KCNH5: variants seen among roughly 807,000 people sequenced by gnomAD.
KCNH5 encodes voltage-gated delayed rectifier potassium channel KCNH5.
Under a neutral mutation model 96.1 loss-of-function variants are expected in KCNH5, and 46 were observed. The observed-to-expected ratio is 0.48, with a 90% CI of 0.38 to 0.61. The LOEUF (loss-of-function observed/expected upper bound fraction) is 0.61. Among genes scored for constraint, KCNH5 ranks in the 20% least tolerant of loss-of-function variants. The pLI, the probability that KCNH5 is intolerant of heterozygous loss-of-function variation, is 0.00. For missense variants in KCNH5, 907 were observed against 1,225.8 expected, an observed-to-expected ratio of 0.74 and a Z score of 3.88; for synonymous variants, 439 against 449.8, an observed-to-expected ratio of 0.98 and a Z score of 0.30.
chr14:62,746,561 A>G (rs1391028750), intron 10 of KCNH5, among the ~76,000 whole-genome samples: 5 of 152,244 alleles, frequency 3.3e-5, no homozygotes, highest in African/African-American at 4.8e-5. Flanking sequence ...CAGGCCAGCC[A>G]TCTATCCTGG....
intron 7 of KCNH5, among the ~76,000 whole-genome samples, chr14:62,863,544 C>T (rs943154414): frequency 1.3e-5 from 2 of 152,150 alleles, no homozygotes; most frequent in Non-Finnish European, 2.9e-5. Flanking sequence ...TATATAAAGA[C>T]TTCCTCAGAA....
chr14:62,866,520 A>G (rs544139285), intron 7 of KCNH5, among the ~76,000 whole-genome samples: 69 of 152,302 alleles, frequency 4.5e-4, no homozygotes, highest in African/African-American at 1.6e-3. Flanking sequence ...TCTACCGGGC[A>G]CATCATTGTG....
chr14:62,915,752 C>T (rs777491017), intron 7 of KCNH5, among the ~76,000 whole-genome samples: 3 of 152,114 alleles, frequency 2.0e-5, no homozygotes, highest in Non-Finnish European at 4.4e-5. Flanking sequence ...TTTTATCGAA[C>T]ATCTACTTGA....
chr14:62,840,787 C>A (rs751713372), intron 8 of KCNH5, among the ~76,000 whole-genome samples: 1 of 151,526 alleles, frequency 6.6e-6, no homozygotes, highest in Non-Finnish European at 1.5e-5. Context: ...CCAGGATGGT[C>A]TCGCTCCTGA....
At chr14:62,854,524 T>C (rs1477974229) in intron 7 of KCNH5, among the ~76,000 whole-genome samples, 1 of 152,164 alleles carries the variant, frequency 6.6e-6, no homozygotes, top group African/African-American at 2.4e-5. Flanking sequence ...TTGTCATTCA[T>C]TGAACATGAA....
Position 62,843,601 on chromosome 14 carries a change from G to A in KCNH5, c.1569+6052C>T, listed in dbSNP as rs1354692630. Among the ~76,000 whole-genome samples the A allele has an allele frequency of 4.0e-5, 6 of 151,790 alleles. No individual in the cohort carries two copies. In the South Asian group the frequency reaches 1.2e-3, roughly 32 times the overall value. ...TAATTTTTGTATTTTTAGTAGAGAC[G>A]GGATTTCACCATGTTGGCCAGGATG... is the stretch of plus-strand genomic sequence containing the variant. On this transcript the variant is annotated intron_variant, in intron 8 of 10. Coordinates refer to ENST00000322893, the MANE Select transcript of KCNH5 (RefSeq NM_139318.5).
At chr14:63,005,717 T>C (rs11621143) in intron 3 of KCNH5, among the ~76,000 whole-genome samples, 7,239 of 152,316 alleles carry the variant, frequency 0.048, 204 homozygotes, top group East Asian at 0.062. Flanking sequence ...TGTTGGTTTT[T>C]TTCCCTCCAA....
At chr14:62,903,310 T>C (rs532024614) in intron 7 of KCNH5, among the ~76,000 whole-genome samples, 206 of 152,292 alleles carry the variant, frequency 1.4e-3, no homozygotes, top group Middle Eastern at 6.8e-3. Context: ...ATTCCTCATC[T>C]GTATTATGCT....
At chr14:62,820,624 G>T (rs75308354) in intron 8 of KCNH5, among the ~76,000 whole-genome samples, 1 of 152,026 alleles carries the variant, frequency 6.6e-6, no homozygotes, top group African/African-American at 2.4e-5. Context: ...GTTTGCTCAG[G>T]ATAATGGCCT....
At chr14:62,905,651 A>C (rs1251270298) in intron 7 of KCNH5, among the ~76,000 whole-genome samples, 2 of 152,160 alleles carry the variant, frequency 1.3e-5, no homozygotes, top group African/African-American at 2.4e-5. Context: ...CTCTCCAGTA[A>C]ATTAATCCCA....
At chr14:62,834,032 A>C (rs1226882951) in intron 8 of KCNH5, among the ~76,000 whole-genome samples, 1 of 151,990 alleles carries the variant, frequency 6.6e-6, no homozygotes, top group Non-Finnish European at 1.5e-5. Flanking sequence ...GTAAAATCCA[A>C]ATGGAACTTT....
At chr14:63,010,861 C>T (rs1237923509) in intron 2 of KCNH5, among the ~76,000 whole-genome samples, 2 of 152,162 alleles carry the variant, frequency 1.3e-5, no homozygotes, top group African/African-American at 2.4e-5. Context: ...CTGAAGAAAA[C>T]ATAACCTATT....
intron 7 of KCNH5, among the ~76,000 whole-genome samples, chr14:62,875,060 G>A (rs1888342748): frequency 8.0e-6 from 1 of 124,244 alleles, no homozygotes; most frequent in African/African-American, 3.0e-5. Context: ...GACAAACAGA[G>A]AGCCAAATCA....
chr14:62,958,326 C>T (rs1947261078), intron 6 of KCNH5, among the ~76,000 whole-genome samples: 1 of 152,188 alleles, frequency 6.6e-6, no homozygotes, highest in South Asian at 2.1e-4. Context: ...CTTAACATCA[C>T]CTTGGGTGAT....
At chr14:62,748,602 G>A (rs749531125) in intron 10 of KCNH5, among the ~76,000 whole-genome samples, 5 of 152,142 alleles carry the variant, frequency 3.3e-5, no homozygotes, top group African/African-American at 4.8e-5. Flanking sequence ...AAGGGTTGCA[G>A]AGGGATGAAG....
At chr14:62,841,385 C>G (rs183237359) in intron 8 of KCNH5, among the ~76,000 whole-genome samples, 40 of 152,246 alleles carry the variant, frequency 2.6e-4, no homozygotes, top group Admixed American at 3.9e-4. Flanking sequence ...AGTTTGAAAA[C>G]AGATCAATCA....
At chr14:62,878,012 G>A (rs1285791765) in intron 7 of KCNH5, among the ~76,000 whole-genome samples, 3 of 151,900 alleles carry the variant, frequency 2.0e-5, no homozygotes, top group South Asian at 4.2e-4. Context: ...ATACTATGCA[G>A]CCATAAAAAA....
chr14:62,935,518 G>A (rs115298052), intron 7 of KCNH5, among the ~76,000 whole-genome samples: 2,026 of 152,246 alleles, frequency 0.013, 50 homozygotes, highest in African/African-American at 0.046. Flanking sequence ...CGAGGGAAAA[G>A]GTGGTGTGAA....
At chr14:62,709,722 GAAGA>G (rs1884529858) in intron 10 of KCNH5, among the ~76,000 whole-genome samples, 1 of 152,098 alleles carries the variant, frequency 6.6e-6, no homozygotes, top group African/African-American at 2.4e-5. Flanking sequence ...AACCCCATCA[GAAGA>G]AATAAAAAAT....
Sources: allele counts gnomAD v4.1 joint callset (sites outside exome capture counted in the v4.1 genomes callset), GRCh38; gene constraint gnomAD v4.1.1; transcripts MANE v1.5; gene names NCBI Gene and HGNC (gene_info 2026-07-23, HGNC 2026-07-21).